The following OPCML variants were observed in gnomAD, a reference collection of about 807,000 sequenced individuals.
The protein encoded by OPCML is opioid-binding protein/cell adhesion molecule.
A neutral mutation model predicts 37.8 loss-of-function variants in OPCML; 13 were observed. The observed-to-expected ratio is 0.34, with a 90% CI of 0.22 to 0.55. The LOEUF (loss-of-function observed/expected upper bound fraction) is 0.55, where lower values mean the gene tolerates loss of function less well. Among genes scored for constraint, OPCML ranks in the 20% least tolerant of loss-of-function variants. OPCML has a pLI of 0.91. For missense variants in OPCML, 341 were observed against 435.6 expected (o/e 0.78, Z 1.93); for synonymous variants, 176 against 168.8 (o/e 1.04, Z -0.33).
At chr11:133,114,341 G>A (rs77523038) in intron 1 of OPCML, among the ~76,000 whole-genome samples, 3,158 of 152,184 alleles carry the variant, frequency 0.021, 89 homozygotes, top group African/African-American at 0.064. Flanking sequence ...TTTTGGGGTC[G>A]TTCTGACGTC....
chr11:132,650,247 TAAG>T (rs1204568252), intron 3 of OPCML, among the ~76,000 whole-genome samples: 6 of 151,980 alleles, frequency 3.9e-5, no homozygotes, highest in African/African-American at 9.7e-5. Flanking sequence ...AAAATACAAA[TAAG>T]AAATAGTAGG....
At chr11:132,558,106 G>A (rs900365428) in intron 3 of OPCML, among the ~76,000 whole-genome samples, 3 of 151,948 alleles carry the variant, frequency 2.0e-5, no homozygotes, top group Non-Finnish European at 4.4e-5. Context: ...TCCCTGATAG[G>A]AGAGTTCTTT....
chr11:132,800,646 G>T (rs1938587271), intron 2 of OPCML, among the ~76,000 whole-genome samples: 1 of 151,996 alleles, frequency 6.6e-6, no homozygotes, highest in African/African-American at 2.4e-5. Context: ...CAAATGTTTT[G>T]CCTTACTAAT....
At chr11:132,985,092 A>C (rs900069082) in intron 1 of OPCML, among the ~76,000 whole-genome samples, 1 of 152,172 alleles carries the variant, frequency 6.6e-6, no homozygotes, top group Non-Finnish European at 1.5e-5. Flanking sequence ...TCATTCTCAT[A>C]GTTCCACTGC....
chr11:133,154,869 C>T (rs561780959), intron 1 of OPCML, among the ~76,000 whole-genome samples: 10 of 152,310 alleles, frequency 6.6e-5, no homozygotes, highest in Non-Finnish European at 1.2e-4. Flanking sequence ...ACGGAAGACA[C>T]GGCTCTGCAT....
intron 2 of OPCML, among the ~76,000 whole-genome samples, chr11:132,903,557 T>G (rs1944134994): frequency 6.6e-6 from 1 of 152,046 alleles, no homozygotes; most frequent in African/African-American, 2.4e-5. Context: ...CATTATACCC[T>G]CCTCCCTTTT....
intron 3 of OPCML, among the ~76,000 whole-genome samples, chr11:132,597,134 AG>A (rs776563719): frequency 1.3e-5 from 2 of 152,230 alleles, no homozygotes; most frequent in Non-Finnish European, 2.9e-5. Flanking sequence ...AGAAAGAGAA[AG>A]AACCAACATG....
chr11:132,784,040 T>C (rs920750280), intron 2 of OPCML, among the ~76,000 whole-genome samples: 4 of 152,104 alleles, frequency 2.6e-5, no homozygotes, highest in Non-Finnish European at 4.4e-5. Context: ...TACAATAGTA[T>C]CCTAAATATA....
chr11:132,942,036 T>G (rs1427852892), intron 2 of OPCML, among the ~76,000 whole-genome samples: 1 of 152,156 alleles, frequency 6.6e-6, no homozygotes, highest in East Asian at 1.9e-4. Context: ...ATTCGCCCTG[T>G]GTACATTGTG....
At chr11:132,481,692 A>T (rs1339234140) in intron 4 of OPCML, among the ~76,000 whole-genome samples, 1 of 150,314 alleles carries the variant, frequency 6.7e-6, no homozygotes, top group African/African-American at 2.4e-5. Context: ...CAGCAAATGT[A>T]AAAGAACAGA....
intron 1 of OPCML, among the ~76,000 whole-genome samples, chr11:133,363,049 A>G (rs919720841): frequency 2.0e-5 from 3 of 152,220 alleles, no homozygotes; most frequent in Non-Finnish European, 4.4e-5. Flanking sequence ...CCAGCCAGGC[A>G]TGACAAGAAA....
chr11:133,309,520 C>A (rs1055894351), intron 1 of OPCML, among the ~76,000 whole-genome samples: 1 of 152,124 alleles, frequency 6.6e-6, no homozygotes, highest in African/African-American at 2.4e-5. Flanking sequence ...CAACTAAATG[C>A]AATGTGGGAT....
chr11:132,918,311 G>T lies in OPCML; in HGVS notation c.146+24615C>A, dbSNP rs376649002. Among the ~76,000 whole-genome samples, 248 of 152,122 alleles carry T rather than the reference G, an allele frequency of 1.6e-3. 1 individual carries two copies. The highest frequency in any genetic ancestry group is 5.7e-3 in the African/African-American group (238 of 41,492). ...TGATTTTTCTACACATCTACTCTTG[G>T]TTGACCACACCCAGATCAAAATACA... On this transcript the variant is annotated intron_variant, in intron 2 of 7. Transcript: ENST00000524381.
At chr11:132,957,362 C>T (rs1409033224) in intron 1 of OPCML, among the ~76,000 whole-genome samples, 4 of 152,076 alleles carry the variant, frequency 2.6e-5, no homozygotes, top group African/African-American at 7.2e-5. Flanking sequence ...GGGCATAACA[C>T]GGGAGAGAAG....
chr11:132,466,558 G>C (rs2096120800), intron 4 of OPCML, among the ~76,000 whole-genome samples: 1 of 151,762 alleles, frequency 6.6e-6, no homozygotes, highest in South Asian at 2.1e-4. Context: ...TAAGAGAAAC[G>C]CATGGAAAGA....
At position 133,140,238 on chromosome 11, in the gene OPCML, G is replaced by A. The variant is rs565013331; in HGVS notation, c.62-197228C>T. 5.2e-3 allele frequency among the ~76,000 whole-genome samples: 746 copies of A among 144,584 alleles called. 11 individuals are homozygous for A. Among genetic ancestry groups the A allele is most frequent in the African/African-American group, 0.017 (685 of 39,646 alleles). The allele number at this position is 144,584 out of a possible 152,430, so 94.9% of individuals were successfully genotyped here. On this transcript the variant is annotated intron_variant, in intron 1 of 7. Coordinates refer to ENST00000524381, the MANE Select transcript of OPCML (RefSeq NM_001012393.5). Reference sequence around the variant, plus strand: ...TAATAATAATACTGATAGGCTGGACGCGGTGGCTTACGCCTGTAATCCCAG... The same window carrying A: ...TAATAATAATACTGATAGGCTGGACACGGTGGCTTACGCCTGTAATCCCAG...
intron 1 of OPCML, chr11:133,420,490 A>T (rs1945864510): frequency 2.0e-6 from 2 of 983,790 alleles, no homozygotes; most frequent in Non-Finnish European, 2.4e-6. Flanking sequence ...TAGGACTTTT[A>T]TTTTTTTTCT....
At chr11:132,583,398 A>C (rs904588215) in intron 3 of OPCML, among the ~76,000 whole-genome samples, 1 of 152,090 alleles carries the variant, frequency 6.6e-6, no homozygotes, top group Admixed American at 6.6e-5. Context: ...TTTTGGCTTC[A>C]AGTGATCCTC....
chr11:132,839,570 A>G (rs1941197974), intron 2 of OPCML, among the ~76,000 whole-genome samples: 1 of 152,174 alleles, frequency 6.6e-6, no homozygotes, highest in South Asian at 2.1e-4. Context: ...TCCACGTGAA[A>G]TGAGGACAAG....
Sources: allele counts gnomAD v4.1 joint callset (sites outside exome capture counted in the v4.1 genomes callset), GRCh38; gene constraint gnomAD v4.1.1; transcripts MANE v1.5; gene names NCBI Gene and HGNC (gene_info 2026-07-23, HGNC 2026-07-21).